Variants in BNC1 observed in about 807,000 individuals in gnomAD.
BNC1 encodes the protein basonuclin zinc finger protein 1, also known as zinc finger protein basonuclin-1.
In BNC1, 8 loss-of-function variants were observed where a neutral mutation model predicts 66.5. The observed-to-expected ratio is 0.12, with a 90% CI of 0.07 to 0.22. BNC1 has a LOEUF of 0.22. BNC1 is among the 10% of genes least tolerant of loss of function. The probability of loss-of-function intolerance (pLI) is 1.00; values close to 1 mark genes in which losing one functional copy is unlikely to be tolerated. For missense variants in BNC1, 1,069 were observed against 1,241.3 expected (o/e 0.86, Z 2.09); for synonymous variants, 454 against 452.6 (o/e 1.00, Z -0.04).
At chr15:83,283,435 C>T in intron 1 of BNC1, 1 of 1,246,576 alleles carries the variant, frequency 8.0e-7, no homozygotes, top group Non-Finnish European at 1.0e-6. Flanking sequence ...CCGCCGCCGC[C>T]CGGCTCCCAG....
chr15:83,280,216 T>A (rs1056017414), intron 1 of BNC1, among the ~76,000 whole-genome samples: 1 of 152,196 alleles, frequency 6.6e-6, no homozygotes, highest in Admixed American at 6.5e-5. Flanking sequence ...TTAAGAACTG[T>A]ACAGAAATGT....
intron 1 of BNC1, among the ~76,000 whole-genome samples, chr15:83,268,833 T>C (rs2038242390): frequency 6.6e-6 from 1 of 152,210 alleles, no homozygotes; most frequent in African/African-American, 2.4e-5. Flanking sequence ...GCCCCTTGCA[T>C]GTTATGGTGC....
rs146456830 is a variant in BNC1 at position 83,259,293 on chromosome 15, T to C, written c.2301-1167A>G. Among the ~76,000 whole-genome samples, 28 of 152,322 alleles carry C rather than the reference T, an allele frequency of 1.8e-4. 1 individual carries two copies. The East Asian group carries it at 4.6e-3, about 25-fold the overall frequency. ...AATCTTAAAGGTGATAGGAGAATTA[T>C]TCCAAATAGAGAAAACACTCCCCCA... is the stretch of plus-strand genomic sequence containing the variant. On this transcript the variant is annotated intron_variant, in intron 4 of 4. Transcript: ENST00000345382.
Position 83,264,219 on chromosome 15 carries a change from C to G in BNC1, c.1032G>C (p.Lys344Asn). The G allele has an allele frequency of 6.2e-7, 1 of 1,614,230 alleles. No individual in the cohort carries two copies. Among genetic ancestry groups the G allele is most frequent in the Non-Finnish European group, 8.5e-7 (1 of 1,180,050 alleles). Residue 344 changes from lysine to asparagine, a missense_variant, in exon 4 of 5, where the codon AAG becomes AAC. Around this residue, in one of 7 missense-constraint regions of BNC1, gnomAD observed 82 missense variants for 136.3 expected, o/e 0.60. Coordinates refer to ENST00000345382, the MANE Select transcript of BNC1 (RefSeq NM_001717.4). ...TTGTACCAAGGCTATTCCTCTCAGG[C>G]TTCACTTTGGCCTCAGGGGATAACT... ...RTQLSPEAKV[K>N]PERNSLGTKK...
intron 1 of BNC1, among the ~76,000 whole-genome samples, chr15:83,268,470 A>T (rs1032289664): frequency 6.6e-6 from 1 of 152,196 alleles, no homozygotes; most frequent in African/African-American, 2.4e-5. Context: ...TTTAAACATC[A>T]GAACTTTTTA....
intron 1 of BNC1, among the ~76,000 whole-genome samples, chr15:83,271,605 G>C (rs985079988): frequency 6.6e-6 from 1 of 152,078 alleles, no homozygotes; most frequent in Non-Finnish European, 1.5e-5. Context: ...TTGGTCTTGG[G>C]GGGTGAAAGA....
chr15:83,270,970 CAATAAA>C (rs1194189243), intron 1 of BNC1, among the ~76,000 whole-genome samples: 1 of 152,142 alleles, frequency 6.6e-6, no homozygotes, highest in African/African-American at 2.4e-5. Flanking sequence ...AATTACATCT[CAATAAA>C]AATATTATTA....
At chr15:83,283,440 T>G in intron 1 of BNC1, 1 of 1,237,764 alleles carries the variant, frequency 8.1e-7, no homozygotes, top group South Asian at 2.7e-5. Context: ...GCCGCCCGGC[T>G]CCCAGCACGG....
chr15:83,264,591 A>G lies in BNC1; in HGVS notation c.660T>C (p.Thr220=). Residue 220 remains threonine (T), a synonymous_variant, in exon 4 of 5, where the codon ACT becomes ACC. Transcript: ENST00000345382. ...SCSHRSSSLP[T]PVDKGNPSSI... ...TGCTGGGGTTTCCTTTGTCCACAGG[A>G]GTGGGGAGGCTAGAACTCCTGTGAC... 5 of 1,614,040 alleles carry G rather than the reference A, an allele frequency of 3.1e-6. No individual in the cohort carries two copies. Among genetic ancestry groups the G allele is most frequent in the Non-Finnish European group, 4.2e-6 (5 of 1,179,996 alleles).
intron 1 of BNC1, among the ~76,000 whole-genome samples, chr15:83,282,940 G>A (rs552994397): frequency 6.6e-6 from 1 of 152,274 alleles, no homozygotes; most frequent in East Asian, 1.9e-4. Context: ...CCCCTTAAGT[G>A]TTAACAGCAA....
rs149382818 is a variant in BNC1 at position 83,263,428 on chromosome 15, G to A, written c.1823C>T (p.Pro608Leu). 29 of 1,614,000 alleles carry A rather than the reference G, an allele frequency of 1.8e-5. No homozygotes were observed. Among genetic ancestry groups the A allele is most frequent in the African/African-American group, 1.6e-4 (12 of 74,902 alleles). ...LGKPFPEGER[P>L]CHRESVIESS... Reference sequence around the variant, plus strand: ...CTCAATTACTGATTCACGATGGCAGGGCCTCTCCCCTTCAGGGAAAGGCTT... The same window carrying A: ...CTCAATTACTGATTCACGATGGCAGAGCCTCTCCCCTTCAGGGAAAGGCTT... Residue 608 changes from proline to leucine, a missense_variant, in exon 4 of 5, where the codon CCC becomes CTC. Coordinates refer to ENST00000345382, the MANE Select transcript of BNC1 (RefSeq NM_001717.4).
At chr15:83,282,287 A>G (rs1206808842) in intron 1 of BNC1, among the ~76,000 whole-genome samples, 1 of 152,256 alleles carries the variant, frequency 6.6e-6, no homozygotes. Flanking sequence ...TTGAAATAGT[A>G]ATAGTTTCTT....
chr15:83,262,833 G>T, intron 4 of BNC1, 118 bp downstream of exon 4: 1 of 1,112,626 alleles, frequency 9.0e-7, no homozygotes, highest in Non-Finnish European at 1.2e-6. Context: ...TAATGAAGTG[G>T]AAATTCTAGG....
At chr15:83,282,308 G>C (rs2038387255) in intron 1 of BNC1, among the ~76,000 whole-genome samples, 1 of 152,220 alleles carries the variant, frequency 6.6e-6, no homozygotes, top group African/African-American at 2.4e-5. Flanking sequence ...GGTGAAATTA[G>C]TTAGCAAACT....
In BNC1 at chr15:83,263,970, C is replaced by G; in HGVS notation, c.1281G>C (p.Arg427Ser). The change falls in exon 4 of 5, where the codon AGG becomes AGC. Residue 427 changes from arginine (R) to serine (S), a missense_variant. Physicochemically the swap from Arg to Ser is moderately radical, Grantham distance 110. Around this residue, in one of 7 missense-constraint regions of BNC1, gnomAD observed 657 missense variants for 715.8 expected, o/e 0.92. Coordinates refer to ENST00000345382, the MANE Select transcript of BNC1 (RefSeq NM_001717.4). ...MNRNNRDKDL[R>S]NSLNLASSEN... is the part of the protein sequence containing the mutation. ...CAGAGCTGGCCAGGTTCAGGCTGTTCCTGAGGTCTTTGTCCCGGTTATTTC... is the reference window on the plus strand; with the variant it reads ...CAGAGCTGGCCAGGTTCAGGCTGTTGCTGAGGTCTTTGTCCCGGTTATTTC... The G allele has an allele frequency of 2.5e-6, 4 of 1,614,172 alleles. No individual in the cohort carries two copies. The highest frequency in any genetic ancestry group is 3.4e-6 in the Non-Finnish European group (4 of 1,180,040).
rs147429758 is a variant in BNC1 at position 83,263,483 on chromosome 15, C to T, written c.1768G>A (p.Glu590Lys). 7 of 1,614,116 alleles carry T rather than the reference C, an allele frequency of 4.3e-6. No individual in the cohort carries two copies. Among genetic ancestry groups the T allele is most frequent in the Non-Finnish European group, 5.9e-6 (7 of 1,180,054 alleles). ...CSPQSHRVSE[E>K]QHVQSGGLGK... ...AAGCCTCCTGACTGTACATGCTGCT[C>T]CTCAGATACTCTGTGTGACTGAGGA... The change falls in exon 4 of 5, where the codon GAG becomes AAG. Residue 590 changes from glutamate (E) to lysine (K), a missense_variant. Coordinates refer to ENST00000345382, the MANE Select transcript of BNC1 (RefSeq NM_001717.4).
At position 83,263,277 on chromosome 15, in the gene BNC1, G is replaced by T. The variant is rs1378762756; in HGVS notation, c.1974C>A (p.Phe658Leu). The change falls in exon 4 of 5, where the codon TTC becomes TTA. Residue 658 changes from phenylalanine (F) to leucine (L), a missense_variant. Transcript: ENST00000345382. The stretch of plus-strand genomic sequence containing the variant: ...GAACTTGGGGTTCCATCCCAGGTGT[G>T]AAGTAGTGTTCATGGCCACCATCCT... ...EVEDGGHEHYFTPGMEPQVPF... is the reference protein window; with the variant it reads ...EVEDGGHEHYLTPGMEPQVPF... 2 of 1,614,224 alleles carry T rather than the reference G, an allele frequency of 1.2e-6. No homozygotes were observed. The highest frequency in any genetic ancestry group is 1.1e-5 in the South Asian group (1 of 91,080).
At chr15:83,267,184 C>A in intron 2 of BNC1, 113 bp from the exon 3 acceptor site, 1 of 732,124 alleles carries the variant, frequency 1.4e-6, no homozygotes, top group Non-Finnish European at 2.3e-6. Flanking sequence ...ACAGAAAATA[C>A]ATGAATATAC....
chr15:83,284,391 C>T (rs1446678331), intron 1 of BNC1, 139 bp downstream of exon 1: 1 of 462,592 alleles, frequency 2.2e-6, no homozygotes, highest in Non-Finnish European at 2.9e-6. Flanking sequence ...CGCCTCGGGG[C>T]CGCGCTGCCG....
Sources: allele counts gnomAD v4.1 joint callset (sites outside exome capture counted in the v4.1 genomes callset), GRCh38; gene constraint gnomAD v4.1.1; regional missense constraint gnomAD v4.1.1; transcripts MANE v1.5; gene names NCBI Gene and HGNC (gene_info 2026-07-23, HGNC 2026-07-21).